Variants in KIR2DL1 observed in about 807,000 individuals in gnomAD.
The protein encoded by KIR2DL1 is killer cell immunoglobulin like receptor, two Ig domains and long cytoplasmic tail 1, also known as killer cell immunoglobulin-like receptor 2DL1.
KIR2DL1 carries 38 observed loss-of-function variants against 33.9 expected under a neutral mutation model. That is an observed-to-expected ratio of 1.12 (90% confidence interval 0.86 to 1.47). The LOEUF (loss-of-function observed/expected upper bound fraction) is 1.47, where lower values mean the gene tolerates loss of function less well. Among genes scored for constraint, KIR2DL1 ranks in the 40% most tolerant of loss-of-function variants. The probability of loss-of-function intolerance (pLI) is 0.00; values close to 1 mark genes in which losing one functional copy is unlikely to be tolerated. For missense variants in KIR2DL1, 531 were observed against 433.9 expected, an observed-to-expected ratio of 1.22 and a Z score of -1.99; for synonymous variants, 179 against 165.9, an observed-to-expected ratio of 1.08 and a Z score of -0.61.
chr19:54,776,255 ACATTT>A lies in KIR2DL1; in HGVS notation c.664+798_664+802del, dbSNP rs1373776003. Among the ~76,000 whole-genome samples the A allele has an allele frequency of 2.7e-5, 4 of 146,480 alleles. 1 individual carries two copies. The highest frequency in any genetic ancestry group is 6.1e-5 in the Non-Finnish European group (4 of 65,650). On this transcript the variant is annotated intron_variant, in intron 4 of 7. Transcript: ENST00000336077. ...TACATTTTTATATATATATATATAT[ACATTT>A]TTTTTACCCTCCACCCTTTTCTTCC... is the stretch of plus-strand genomic sequence containing the variant.
At chr19:54,777,478 C>A (rs376958757) in intron 4 of KIR2DL1, among the ~76,000 whole-genome samples, 7,413 of 112,204 alleles carry the variant, frequency 0.066, 78 homozygotes, top group South Asian at 0.088. Flanking sequence ...AGCACTTTTT[C>A]GTATGTGGGG....
intron 5 of KIR2DL1, among the ~76,000 whole-genome samples, chr19:54,781,285 C>A (rs1276047193): frequency 2.0e-5 from 3 of 147,504 alleles, no homozygotes; most frequent in Non-Finnish European, 4.5e-5. Context: ...CTTCTTTGAT[C>A]CTTTATCTTA....
Position 54,775,351 on chromosome 19 carries a change from C to T in KIR2DL1, c.557C>T (p.Pro186Leu). ...KVNGTFQADF[P>L]LGPATHGGTY... is the part of the protein sequence containing the mutation. ...AACGGAACATTCCAGGCTGACTTTC[C>T]TCTGGGCCCTGCCACCCACGGAGGG... Residue 186 changes from proline to leucine, a missense_variant, in exon 4 of 8, where the codon CCT (proline) becomes CTT (leucine). Coordinates refer to ENST00000336077, the MANE Select transcript of KIR2DL1 (RefSeq NM_014218.3). The T allele has an allele frequency of 6.3e-7, 1 of 1,582,544 alleles. No individual in the cohort carries two copies. Among genetic ancestry groups the T allele is most frequent in the Non-Finnish European group, 8.7e-7 (1 of 1,154,520 alleles).
rs879014650 is a variant in KIR2DL1, at chr19:54,783,968, C to A, written c.*155C>A. Reference sequence around the variant, plus strand: ...TCCTCACACCACAAATCTGAATGTGCCTCTCTCTTGCTTACAAATGTCTAA... The same window carrying A: ...TCCTCACACCACAAATCTGAATGTGACTCTCTCTTGCTTACAAATGTCTAA... On this transcript the variant is annotated 3_prime_UTR_variant, in exon 8 of 8. Transcript: ENST00000336077. The A allele has an allele frequency of 5.1e-6, 6 of 1,184,890 alleles. No individual in the cohort carries two copies. The highest frequency in any genetic ancestry group is 5.0e-6 in the Non-Finnish European group (4 of 805,026). 73.4% of individuals were successfully genotyped at this position (1,184,890 alleles called of 1,614,324 possible). A position where few individuals can be genotyped will look rare whatever the true frequency, so the allele number is the denominator to read the frequency against.
intron 2 of KIR2DL1, among the ~76,000 whole-genome samples, chr19:54,772,198 T>G (rs1474945955): frequency 6.8e-6 from 1 of 147,422 alleles, no homozygotes; most frequent in African/African-American, 2.5e-5. Flanking sequence ...CCTGATGGGC[T>G]CAGTGTAGTC....
intron 5 of KIR2DL1, among the ~76,000 whole-genome samples, chr19:54,781,451 A>G (rs2147613245): frequency 6.7e-6 from 1 of 150,328 alleles, no homozygotes; most frequent in South Asian, 2.1e-4. Context: ...CCACTCACCC[A>G]AATCCCCCAC....
At chr19:54,778,519 G>A (rs77227068) in intron 4 of KIR2DL1, 93 bp from the exon 5 acceptor site, 3 of 1,068,630 alleles carry the variant, frequency 2.8e-6, no homozygotes, top group South Asian at 1.7e-5. Flanking sequence ...TATTAGATAA[G>A]AGAGTGTTGG....
At chr19:54,770,694 C>T (rs1163552668) in intron 1 of KIR2DL1, among the ~76,000 whole-genome samples, 155 bp from the exon 2 acceptor site, 2 of 147,768 alleles carry the variant, frequency 1.4e-5, no homozygotes, top group African/African-American at 4.9e-5. Flanking sequence ...TCTGCACAGC[C>T]GACAGCCCTG....
chr19:54,770,702 C>G (rs2075605247), intron 1 of KIR2DL1, 147 bp from the exon 2 acceptor site: 2 of 1,204,856 alleles, frequency 1.7e-6, no homozygotes, highest in Admixed American at 1.8e-5. Context: ...GCCGACAGCC[C>G]TGTTCTTGGG....
At chr19:54,771,137 C>A (rs2075669968) in intron 2 of KIR2DL1, among the ~76,000 whole-genome samples, 1 of 148,394 alleles carries the variant, frequency 6.7e-6, no homozygotes, top group Non-Finnish European at 1.5e-5. Context: ...ACAGCAGATC[C>A]TCTGAGGACA....
chr19:54,783,579 C>A (rs980913096), intron 7 of KIR2DL1, 41 bp downstream of exon 7: 11 of 1,613,782 alleles, frequency 6.8e-6, no homozygotes, highest in Non-Finnish European at 7.6e-6. Context: ...ACTGTTATTC[C>A]CAAAGAGTCC....
At chr19:54,770,983 G>C (rs1332391550) in intron 2 of KIR2DL1, 99 bp downstream of exon 2, 1 of 1,490,546 alleles carries the variant, frequency 6.7e-7, no homozygotes, top group African/African-American at 1.4e-5. Flanking sequence ...CATAAACTAG[G>C]AAGAAGGGAC....
At chr19:54,771,408 C>G (rs1018238177) in intron 2 of KIR2DL1, among the ~76,000 whole-genome samples, 5 of 148,332 alleles carry the variant, frequency 3.4e-5, no homozygotes, top group East Asian at 3.9e-4. Flanking sequence ...GTCTCTTACT[C>G]AGCACTTGCT....
intron 3 of KIR2DL1, among the ~76,000 whole-genome samples, chr19:54,774,395 T>C (rs1476846445): frequency 4.1e-5 from 6 of 147,700 alleles, no homozygotes; most frequent in African/African-American, 1.5e-4. Flanking sequence ...AGCACTAAAA[T>C]TAGACTCCTG....
At chr19:54,782,158 G>T (rs1416098322) in intron 5 of KIR2DL1, among the ~76,000 whole-genome samples, 1 of 151,834 alleles carries the variant, frequency 6.6e-6, no homozygotes, top group East Asian at 1.9e-4. Context: ...AAGCAGCCCA[G>T]CCTGGGTTTT....
At position 54,775,391 on chromosome 19, in the gene KIR2DL1, C is replaced by T. The variant is rs142474638; in HGVS notation, c.597C>T (p.Phe199=). 143 of 1,583,696 alleles carry T rather than the reference C, an allele frequency of 9.0e-5. 7 individuals are homozygous for T. The highest frequency in any genetic ancestry group is 6.8e-4 in the African/African-American group (50 of 73,904). The change falls in exon 4 of 8, where the codon TTC becomes TTT. Residue 199 remains phenylalanine (F), a synonymous_variant. Coordinates refer to ENST00000336077, the MANE Select transcript of KIR2DL1 (RefSeq NM_014218.3). ...CCCACGGAGGGACCTACAGATGCTT[C>T]GGCTCTTTCCATGACTCTCCATACG... ...PATHGGTYRC[F]GSFHDSPYEW... is the part of the protein sequence containing the mutation.
chr19:54,774,037 G>A (rs200553717), intron 3 of KIR2DL1, among the ~76,000 whole-genome samples: 1,953 of 124,078 alleles, frequency 0.016, no homozygotes, highest in South Asian at 0.029. Context: ...GTTGGGCCCT[G>A]TGGCCTCAGG....
In KIR2DL1 at chr19:54,770,712, G is replaced by C. The variant is rs1218760562; in HGVS notation, c.35-137G>C. ...GCACAGCCGACAGCCCTGTTCTTGG[G>C]TGCAGGTAGGCACTGAGGGTGAGTT... is the stretch of plus-strand genomic sequence containing the variant. On this transcript the variant is annotated intron_variant, in intron 1 of 7. Coordinates refer to ENST00000336077, the MANE Select transcript of KIR2DL1 (RefSeq NM_014218.3). The C allele has an allele frequency of 1.2e-5, 15 of 1,270,284 alleles. 2 individuals are homozygous for C. In the Middle Eastern group the frequency reaches 7.5e-4, roughly 64 times the overall value. The allele number at this position is 1,270,284 out of a possible 1,614,324, so 78.7% of individuals were successfully genotyped here.
In KIR2DL1 at chr19:54,775,384, G is replaced by A. The variant is rs371438548; in HGVS notation, c.590G>A (p.Arg197Lys). Residue 197 changes from arginine to lysine, a missense_variant, in exon 4 of 8, where the codon AGA becomes AAA. By Grantham distance (26) the Arg-to-Lys change is conservative (BLOSUM62 2). Coordinates refer to ENST00000336077, the MANE Select transcript of KIR2DL1 (RefSeq NM_014218.3). ...CCTGCCACCCACGGAGGGACCTACAGATGCTTCGGCTCTTTCCATGACTCT... is the reference window on the plus strand; with the variant it reads ...CCTGCCACCCACGGAGGGACCTACAAATGCTTCGGCTCTTTCCATGACTCT... ...LGPATHGGTY[R>K]CFGSFHDSPY... 38 of 1,583,806 alleles carry A rather than the reference G, an allele frequency of 2.4e-5. 1 individual carries two copies. The highest frequency in any genetic ancestry group is 2.8e-5 in the Non-Finnish European group (32 of 1,156,176).
Sources: gnomAD v4.1 joint callset for allele counts (sites outside exome capture counted in the v4.1 genomes callset) on GRCh38, gnomAD v4.1.1 for gene constraint, MANE v1.5 for transcripts, NCBI Gene and HGNC (gene_info 2026-07-23, HGNC 2026-07-21) for gene names.